LRRC4C: variants seen among roughly 807,000 people sequenced by gnomAD.
LRRC4C encodes leucine-rich repeat-containing protein 4C.
In LRRC4C, 5 loss-of-function variants were observed where a neutral mutation model predicts 33.6. The observed-to-expected ratio is 0.15, with a 90% CI of 0.08 to 0.31. The LOEUF (loss-of-function observed/expected upper bound fraction) is 0.31. Among genes scored for constraint, LRRC4C ranks in the 10% least tolerant of loss-of-function variants. LRRC4C has a pLI of 1.00. For missense variants in LRRC4C, 560 were observed against 796.7 expected (o/e 0.70, Z 3.58); for synonymous variants, 329 against 302.0 (o/e 1.09, Z -0.93).
chr11:41,446,307 C>T (rs768636280), intron 1 of LRRC4C, among the ~76,000 whole-genome samples: 11 of 152,202 alleles, frequency 7.2e-5, no homozygotes, highest in Non-Finnish European at 1.5e-4. Flanking sequence ...AATAAACCAC[C>T]TCAATACGGA....
chr11:41,459,233 T>C (rs1956262426), intron 1 of LRRC4C, among the ~76,000 whole-genome samples, 198 bp downstream of exon 1: 1 of 152,120 alleles, frequency 6.6e-6, no homozygotes, highest in Non-Finnish European at 1.5e-5. Flanking sequence ...GTAAGAGGAA[T>C]GGGGGGATGG....
At chr11:41,117,166 T>C (rs1180448646) in intron 1 of LRRC4C, among the ~76,000 whole-genome samples, 3 of 152,140 alleles carry the variant, frequency 2.0e-5, no homozygotes, top group Non-Finnish European at 4.4e-5. Flanking sequence ...CAAAGTCATC[T>C]ACCCTACCTG....
At chr11:40,427,556 A>T (rs1950762312) in intron 3 of LRRC4C, among the ~76,000 whole-genome samples, 1 of 150,178 alleles carries the variant, frequency 6.7e-6, no homozygotes, top group Non-Finnish European at 1.5e-5. Context: ...GGCCAGGCAC[A>T]GTGGCTCTCG....
chr11:41,317,402 T>C (rs763458944), intron 1 of LRRC4C, among the ~76,000 whole-genome samples: 2 of 152,204 alleles, frequency 1.3e-5, no homozygotes, highest in Non-Finnish European at 2.9e-5. Context: ...TCCCATAATA[T>C]TTCCCTAAGG....
chr11:41,416,195 A>C (rs1807241295), intron 1 of LRRC4C, among the ~76,000 whole-genome samples: 1 of 152,054 alleles, frequency 6.6e-6, no homozygotes. Flanking sequence ...GAGAAGAGGA[A>C]AAAATGGAAC....
intron 3 of LRRC4C, among the ~76,000 whole-genome samples, chr11:40,441,048 A>T (rs1951372059): frequency 6.6e-6 from 1 of 152,168 alleles, no homozygotes. Flanking sequence ...GTTCAACTTG[A>T]TAACTTCTGA....
At chr11:40,167,040 A>ATT (rs1859651267) in intron 5 of LRRC4C, among the ~76,000 whole-genome samples, 1 of 152,158 alleles carries the variant, frequency 6.6e-6, no homozygotes, top group African/African-American at 2.4e-5. Flanking sequence ...AAGGCATTTT[A>ATT]ATAAGGGAAT....
At chr11:41,422,781 AT>A (rs10712009) in intron 1 of LRRC4C, among the ~76,000 whole-genome samples, 74,683 of 151,732 alleles carry the variant, frequency 0.49, 18,695 homozygotes, top group South Asian at 0.6. Context: ...TCTCAAGTAG[AT>A]TTTTTTTCTT....
At chr11:41,065,214 AG>A (rs35804735) in intron 1 of LRRC4C, among the ~76,000 whole-genome samples, 35,801 of 151,904 alleles carry the variant, frequency 0.24, 4,489 homozygotes, top group East Asian at 0.34. Flanking sequence ...AGGTTTGGTG[AG>A]GGGAGGGGAG....
At chr11:40,286,703 C>T (rs1943864251) in intron 4 of LRRC4C, among the ~76,000 whole-genome samples, 1 of 152,126 alleles carries the variant, frequency 6.6e-6, no homozygotes, top group South Asian at 2.1e-4. Flanking sequence ...ATACTTAAGA[C>T]ATTTTATTGC....
chr11:40,158,890 G>GA (rs1243030057), intron 5 of LRRC4C, among the ~76,000 whole-genome samples: 1 of 152,022 alleles, frequency 6.6e-6, no homozygotes, highest in Non-Finnish European at 1.5e-5. Context: ...AAGAGTATCA[G>GA]AAAAACAAAA....
At chr11:40,735,430 C>A (rs891366383) in intron 2 of LRRC4C, among the ~76,000 whole-genome samples, 1 of 145,162 alleles carries the variant, frequency 6.9e-6, no homozygotes. Context: ...TTTGTCCTTC[C>A]GATAGTTTGC....
At chr11:40,856,285 G>T (rs1455442997) in intron 2 of LRRC4C, among the ~76,000 whole-genome samples, 1 of 152,152 alleles carries the variant, frequency 6.6e-6, no homozygotes, top group Admixed American at 6.6e-5. Context: ...ATAAAAGAAA[G>T]ACATTTTGTA....
chr11:40,624,068 G>A (rs1226672751), intron 3 of LRRC4C, among the ~76,000 whole-genome samples: 4 of 152,036 alleles, frequency 2.6e-5, no homozygotes, highest in African/African-American at 4.8e-5. Flanking sequence ...AGCCACTTGC[G>A]TATTCAAATG....
At chr11:41,160,988 A>C (rs1415809597) in intron 1 of LRRC4C, among the ~76,000 whole-genome samples, 3 of 152,184 alleles carry the variant, frequency 2.0e-5, no homozygotes, top group Non-Finnish European at 4.4e-5. Flanking sequence ...GGAACAATTG[A>C]CGATTTACTT....
chr11:40,359,918 T>A (rs973400912), intron 3 of LRRC4C, among the ~76,000 whole-genome samples: 7 of 152,246 alleles, frequency 4.6e-5, no homozygotes, highest in Middle Eastern at 3.4e-3. Context: ...GGGAAAAAAG[T>A]GAAATCCACA....
intron 3 of LRRC4C, among the ~76,000 whole-genome samples, chr11:40,339,658 A>C (rs1946777341): frequency 6.6e-6 from 1 of 152,214 alleles, no homozygotes; most frequent in Non-Finnish European, 1.5e-5. Flanking sequence ...CAAGGTCACC[A>C]GTGATTAGAC....
chr11:41,192,633 A>C (rs1946007853), intron 1 of LRRC4C, among the ~76,000 whole-genome samples: 1 of 152,068 alleles, frequency 6.6e-6, no homozygotes, highest in Admixed American at 6.6e-5. Context: ...ATTTTGAAAA[A>C]TACCTGTATA....
At chr11:40,204,553 A>G (rs1322255840) in intron 5 of LRRC4C, among the ~76,000 whole-genome samples, 2 of 152,168 alleles carry the variant, frequency 1.3e-5, no homozygotes, top group South Asian at 2.1e-4. Flanking sequence ...CAGCATCGCT[A>G]TCTCCCAGTT....
Sources: gnomAD v4.1 joint callset for allele counts (sites outside exome capture counted in the v4.1 genomes callset) on GRCh38, gnomAD v4.1.1 for gene constraint, MANE v1.5 for transcripts, NCBI Gene and HGNC (gene_info 2026-07-23, HGNC 2026-07-21) for gene names.